Variants in CLPTM1 observed in about 807,000 individuals in gnomAD.
CLPTM1 encodes putative lipid scramblase CLPTM1.
CLPTM1 carries 21 observed loss-of-function variants against 77.3 expected under a neutral mutation model. That is an observed-to-expected ratio of 0.27 (90% CI 0.19 to 0.39). CLPTM1 has a LOEUF of 0.39. CLPTM1 is among the 10% of genes least tolerant of loss of function. The probability of loss-of-function intolerance (pLI) is 1.00; values close to 1 mark genes in which losing one functional copy is unlikely to be tolerated. For synonymous variants in CLPTM1, 373 were observed against 381.0 expected, an observed-to-expected ratio of 0.98 and a Z score of 0.24; for missense variants, 642 against 921.2, an observed-to-expected ratio of 0.70 and a Z score of 3.92.
Position 44,987,194 on chromosome 19 carries a change from C to T in CLPTM1, c.809C>T (p.Ala270Val), listed in dbSNP as rs1333121472. Residue 270 changes from alanine (A) to valine (V), a missense_variant, in exon 8 of 14, where the codon GCC becomes GTC. Physicochemically the swap from Ala to Val is moderately conservative, Grantham distance 64 (BLOSUM62 0). Around this residue, in one of 2 missense-constraint regions of CLPTM1, gnomAD observed 521 missense variants for 800.4 expected, o/e 0.65. Transcript: ENST00000337392. ...PPLDQYVKFD[A>V]VSGDYYPIIY... Reference sequence around the variant, plus strand: ...CGTGCTGCAGATGTGAAGTTCGACGCCGTGAGCGGTGACTACTATCCCATC... The same window carrying T: ...CGTGCTGCAGATGTGAAGTTCGACGTCGTGAGCGGTGACTACTATCCCATC... The T allele has an allele frequency of 1.9e-6, 3 of 1,610,648 alleles. No homozygotes were observed. The highest frequency in any genetic ancestry group is 2.5e-6 in the Non-Finnish European group (3 of 1,177,220).
chr19:44,955,223 C>T, upstream of CLPTM1: 1 of 1,517,142 alleles, frequency 6.6e-7, no homozygotes, highest in South Asian at 1.2e-5. Context: ...GTACGGTGGC[C>T]AGGTTGGTCC....
chr19:44,965,491 A>G (rs967179836), intron 2 of CLPTM1, among the ~76,000 whole-genome samples: 1 of 148,304 alleles, frequency 6.7e-6, no homozygotes, highest in Non-Finnish European at 1.5e-5. Flanking sequence ...AGCAAGACTG[A>G]GTCTCAAAAA....
At chr19:44,971,717 C>A (rs2122273076) in intron 2 of CLPTM1, among the ~76,000 whole-genome samples, 2 of 152,038 alleles carry the variant, frequency 1.3e-5, no homozygotes, top group East Asian at 3.9e-4. Flanking sequence ...GGCCACCATG[C>A]CCAGCTAATT....
rs1971088350 is a variant in CLPTM1 at position 44,992,355 on chromosome 19, G to A, written c.1678G>A (p.Val560Ile). 1 of 1,614,136 alleles carries A rather than the reference G, an allele frequency of 6.2e-7. No homozygotes were observed. Among genetic ancestry groups the A allele is most frequent in the African/African-American group, 1.3e-5 (1 of 75,046 alleles). The part of the protein sequence containing the change: ...NTFIDDLFAF[V>I]IKMPVMYRIG... The stretch of plus-strand genomic sequence containing the variant: ...ATTCATCGACGACCTGTTCGCCTTT[G>A]TCATCAAGATGCCCGTTATGTACCG... The change falls in exon 13 of 14, where the codon GTC (valine) becomes ATC (isoleucine). Residue 560 changes from valine to isoleucine, a missense_variant. By Grantham distance (29) the Val-to-Ile change is conservative (BLOSUM62 3). This residue lies in a region of CLPTM1 where 521 missense variants were observed against 800.4 expected (regional missense o/e 0.65). Coordinates refer to ENST00000337392, the MANE Select transcript of CLPTM1 (RefSeq NM_001294.4). This position sits in a 1 kb window ranked among gnomAD's most constrained non-coding sequence, Gnocchi z 7.7.
At chr19:44,957,917 G>A (rs1970487874) in intron 1 of CLPTM1, among the ~76,000 whole-genome samples, 1 of 152,192 alleles carries the variant, frequency 6.6e-6, no homozygotes, top group Admixed American at 6.5e-5. Flanking sequence ...CCTCTTGAAG[G>A]CCCTTACACT....
At chr19:44,969,962 C>A (rs953203098) in intron 2 of CLPTM1, among the ~76,000 whole-genome samples, 1 of 147,642 alleles carries the variant, frequency 6.8e-6, no homozygotes, top group African/African-American at 2.6e-5. Flanking sequence ...TAGGTGTAAG[C>A]CACCACGCCC....
At chr19:44,972,500 T>C (rs1383742139) in intron 2 of CLPTM1, among the ~76,000 whole-genome samples, 13 of 151,988 alleles carry the variant, frequency 8.6e-5, no homozygotes, top group Non-Finnish European at 1.2e-4. Context: ...CCGCCCGCCT[T>C]GGCCTCCCAA....
chr19:44,955,097 T>TGAAGGGACG (rs1419314622), upstream of CLPTM1: 6 of 1,535,482 alleles, frequency 3.9e-6, no homozygotes, highest in African/African-American at 8.2e-5. Context: ...CGGGTTAATG[T>TGAAGGGACG]GAAGGGACGG....
At chr19:44,976,401 C>T (rs1970806273) in intron 4 of CLPTM1, among the ~76,000 whole-genome samples, 1 of 152,208 alleles carries the variant, frequency 6.6e-6, no homozygotes, top group African/African-American at 2.4e-5. Flanking sequence ...GGGAGAATGG[C>T]CAGAGCCCAG....
rs1043737108 is a variant in CLPTM1, at chr19:44,978,829, C to CT, written c.586+1370dup. The stretch of plus-strand genomic sequence containing the variant: ...TAAGTTTCACTGGGAGTGGGGAGTA[C>CT]TAGAGTACATCAGTAGTCCCAGCTA... On this transcript the variant is annotated intron_variant, in intron 5 of 13. Transcript: ENST00000337392. Among the ~76,000 whole-genome samples, 9 of 146,592 alleles carry CT rather than the reference C, an allele frequency of 6.1e-5. 1 individual carries two copies. Among genetic ancestry groups the CT allele is most frequent in the African/African-American group, 2.3e-4 (9 of 39,582 alleles).
rs766159541 is a variant in CLPTM1, at chr19:44,987,142, C to T, written c.794-37C>T. On this transcript the variant is annotated intron_variant, in intron 7 of 13. Transcript: ENST00000337392. ...GGCCTGCGGGTACCCTGGCCTCCTG[C>T]CCGGGCCAAATGGTGCCCCTGCCCC... 34 of 1,586,142 alleles carry T rather than the reference C, an allele frequency of 2.1e-5. No individual in the cohort carries two copies. In the Admixed American group the frequency reaches 5.8e-4, roughly 27 times the overall value.
intron 5 of CLPTM1, among the ~76,000 whole-genome samples, chr19:44,983,526 G>A (rs1005520357): frequency 6.7e-6 from 1 of 148,262 alleles, no homozygotes; most frequent in African/African-American, 2.5e-5. Flanking sequence ...GCTGAGGTGG[G>A]AGAATAGCTG....
intron 1 of CLPTM1, among the ~76,000 whole-genome samples, chr19:44,958,400 C>CT (rs1970495998): frequency 7.3e-6 from 1 of 136,576 alleles, no homozygotes; most frequent in East Asian, 2.1e-4. Flanking sequence ...TTTTTTTTTT[C>CT]TTTTTTCTGA....
chr19:44,992,337 G>A lies in CLPTM1; in HGVS notation c.1660G>A (p.Asp554Asn). The A allele has an allele frequency of 1.2e-6, 2 of 1,614,094 alleles. No individual in the cohort carries two copies. Among genetic ancestry groups the A allele is most frequent in the East Asian group, 2.2e-5 (1 of 44,870 alleles). ...CTACAAGGCCCTCAACACATTCATC[G>A]ACGACCTGTTCGCCTTTGTCATCAA... ...LTYKALNTFI[D>N]DLFAFVIKMP... Residue 554 changes from aspartate (D) to asparagine (N), a missense_variant, in exon 13 of 14, where the codon GAC (aspartate) becomes AAC (asparagine). Asp to Asn is a conservative substitution (Grantham distance 23). Around this residue, in one of 2 missense-constraint regions of CLPTM1, gnomAD observed 521 missense variants for 800.4 expected, o/e 0.65. Transcript: ENST00000337392. This position sits in a 1 kb window ranked among gnomAD's most constrained non-coding sequence, Gnocchi z 7.7.
chr19:44,959,394 G>A (rs1451958570), intron 1 of CLPTM1, among the ~76,000 whole-genome samples: 3 of 151,732 alleles, frequency 2.0e-5, no homozygotes, highest in Non-Finnish European at 4.4e-5. Flanking sequence ...ATGCTCTGTC[G>A]CCTAGGCTGG....
At chr19:44,964,200 G>A (rs1392426071) in intron 2 of CLPTM1, among the ~76,000 whole-genome samples, 3 of 151,000 alleles carry the variant, frequency 2.0e-5, no homozygotes, top group Non-Finnish European at 4.4e-5. Flanking sequence ...TGGTACTGAA[G>A]GTTGAGACTT....
Position 44,993,098 on chromosome 19 carries a change from T to A in CLPTM1, c.*201T>A. On this transcript the variant is annotated 3_prime_UTR_variant, in exon 14 of 14. Transcript: ENST00000337392. ...TTTGTGGAGGCGCTGTCTGTCCCTC[T>A]GTCCCTCTGTGTTTCCAGCCATCTC... 1 of 660,820 alleles carries A rather than the reference T, an allele frequency of 1.5e-6. No individual in the cohort carries two copies. Among genetic ancestry groups the A allele is most frequent in the Non-Finnish European group, 2.8e-6 (1 of 360,800 alleles). 40.9% of individuals were successfully genotyped at this position (660,820 alleles called of 1,614,324 possible). A position where few individuals can be genotyped will look rare whatever the true frequency, so the allele number is the denominator to read the frequency against.
intron 2 of CLPTM1, among the ~76,000 whole-genome samples, chr19:44,972,405 G>A (rs1034215353): frequency 6.6e-5 from 10 of 151,612 alleles, no homozygotes; most frequent in Non-Finnish European, 1.3e-4. Flanking sequence ...CCGCCACCAT[G>A]CCCAGCTAAT....
Position 44,988,102 on chromosome 19 carries a change from C to T in CLPTM1, c.1061C>T (p.Pro354Leu). The T allele has an allele frequency of 6.2e-7, 1 of 1,614,088 alleles. No individual in the cohort carries two copies. Among genetic ancestry groups the T allele is most frequent in the Non-Finnish European group, 8.5e-7 (1 of 1,179,940 alleles). The change falls in exon 9 of 14, where the codon CCC becomes CTC. Residue 354 changes from proline to leucine, a missense_variant. Coordinates refer to ENST00000337392, the MANE Select transcript of CLPTM1 (RefSeq NM_001294.4). ...SVKVALLETN[P>L]YLLALTIIVS... ...CAGGTGGCCCTGCTGGAGACCAACC[C>T]CTACCTGCTGGCGCTCACCATCATC...
Sources: allele counts gnomAD v4.1 joint callset (sites outside exome capture counted in the v4.1 genomes callset), GRCh38; gene constraint gnomAD v4.1.1; regional missense constraint gnomAD v4.1.1; non-coding constraint Gnocchi (gnomAD v3.1); transcripts MANE v1.5; gene names NCBI Gene and HGNC (gene_info 2026-07-23, HGNC 2026-07-21).